Variants in ZDHHC9 observed in about 807,000 individuals in gnomAD.
ZDHHC9 encodes palmitoyltransferase ZDHHC9.
Under a neutral mutation model 26.6 loss-of-function variants are expected in ZDHHC9, and 3 were observed. That is an observed-to-expected ratio of 0.11 (90% CI 0.05 to 0.29). The LOEUF is 0.29. Ranked by LOEUF, ZDHHC9 falls within the 10% of genes least tolerant of loss-of-function variation. The probability of loss-of-function intolerance (pLI) is 1.00; values close to 1 mark genes in which losing one functional copy is unlikely to be tolerated. For missense variants in ZDHHC9, 146 were observed against 296.4 expected (o/e 0.49, Z 3.73); for synonymous variants, 111 against 109.4 (o/e 1.01, Z -0.09).
At chrX:129,813,873 G>A (rs1927701209) in intron 6 of ZDHHC9, 148 bp from the exon 7 acceptor site, 1 of 523,141 alleles carries the variant, frequency 1.9e-6, no homozygotes, top group Non-Finnish European at 3.3e-6. Context: ...AGGGTGAAGA[G>A]CCTCATCTCC....
At chrX:129,835,581 G>A (rs1366792374) in intron 3 of ZDHHC9, among the ~76,000 whole-genome samples, 3 of 110,607 alleles carry the variant, frequency 2.7e-5, no homozygotes, top group African/African-American at 9.8e-5. Context: ...TCAGGAGTTC[G>A]AGACCAGCCT....
intron 3 of ZDHHC9, among the ~76,000 whole-genome samples, chrX:129,840,313 AAG>A (rs1211475110): frequency 5.9e-4 from 65 of 111,088 alleles, no homozygotes; most frequent in African/African-American, 1.7e-3. Flanking sequence ...AAAAGAGAAA[AAG>A]AGAGGAAGAA....
At chrX:129,809,952 G>A (rs1480718086) in intron 10 of ZDHHC9, among the ~76,000 whole-genome samples, 1 of 91,759 alleles carries the variant, frequency 1.1e-5, no homozygotes, top group African/African-American at 4.3e-5. Context: ...TTGCACCACC[G>A]CACTCCAGCC....
chrX:129,807,009 G>C (rs1027903465), intron 10 of ZDHHC9, among the ~76,000 whole-genome samples: 1 of 111,915 alleles, frequency 8.9e-6, no homozygotes, highest in Non-Finnish European at 1.9e-5. Flanking sequence ...GTTACAATTT[G>C]AGTCCAGACT....
rs1281103097 is a variant in ZDHHC9, at chrX:129,821,957, A to G, written c.487+1722T>C. On this transcript the variant is annotated intron_variant, in intron 5 of 10. Coordinates refer to ENST00000357166, the MANE Select transcript of ZDHHC9 (RefSeq NM_016032.4). ...TAAATAAAATGGGCTTTGACAATAG[A>G]TGCTGATGAGGCTGTGGAGAAATAG... 9.9e-5 allele frequency among the ~76,000 whole-genome samples: 11 copies of G among 110,979 alleles called. No homozygotes were observed. In the Admixed American group the frequency reaches 1.1e-3, roughly 11 times the overall value.
chrX:129,830,934 T>C (rs1021184318), intron 3 of ZDHHC9, among the ~76,000 whole-genome samples: 1 of 111,542 alleles, frequency 9.0e-6, no homozygotes, highest in Non-Finnish European at 1.9e-5. Context: ...GACTTTTGTG[T>C]TTGCTTGCTT....
rs529129998 is a variant in ZDHHC9 at position 129,809,395 on chromosome X, G to A, written c.978+1510C>T. Among the ~76,000 whole-genome samples the A allele has an allele frequency of 4.5e-5, 5 of 112,092 alleles. No individual in the cohort carries two copies. In the South Asian group the frequency reaches 1.8e-3, roughly 41 times the overall value. On this transcript the variant is annotated intron_variant, in intron 10 of 10. Coordinates refer to ENST00000357166, the MANE Select transcript of ZDHHC9 (RefSeq NM_016032.4). ...ATATCATTTGGCCATATAAAGGAACGAAGTACTGCTACATAGTACAACATG... is the reference window on the plus strand; with the variant it reads ...ATATCATTTGGCCATATAAAGGAACAAAGTACTGCTACATAGTACAACATG...
intron 2 of ZDHHC9, among the ~76,000 whole-genome samples, chrX:129,842,693 G>A (rs1171918487): frequency 8.8e-6 from 1 of 112,995 alleles, no homozygotes; most frequent in Non-Finnish European, 1.9e-5. Context: ...GCACATACGT[G>A]CATTGTATTT....
intron 3 of ZDHHC9, among the ~76,000 whole-genome samples, chrX:129,832,303 T>C (rs993239299): frequency 1.8e-5 from 2 of 111,039 alleles, no homozygotes; most frequent in Non-Finnish European, 3.8e-5. Flanking sequence ...ATTCCCAATA[T>C]AGACCTCCAA....
At position 129,842,056 on chromosome X, in the gene ZDHHC9, A is replaced by T; in HGVS notation, c.-111T>A. The T allele has an allele frequency of 2.0e-6, 2 of 1,002,489 alleles. No individual in the cohort carries two copies. Among genetic ancestry groups the T allele is most frequent in the Non-Finnish European group, 2.8e-6 (2 of 708,826 alleles). The allele number at this position is 1,002,489 out of a possible 1,213,427, so 82.6% of individuals were successfully genotyped here. A position where few individuals can be genotyped will look rare whatever the true frequency, so the allele number is the denominator to read the frequency against. ...TGCTATTCCTGCCGCTGGGTCAAACATCATCAAAAGTCCAATTGCTAGCCC... is the reference window on the plus strand; with the variant it reads ...TGCTATTCCTGCCGCTGGGTCAAACTTCATCAAAAGTCCAATTGCTAGCCC... On this transcript the variant is annotated 5_prime_UTR_variant, in exon 3 of 11. An upstream start codon of the reference 5' UTR is lost. Coordinates refer to ENST00000357166, the MANE Select transcript of ZDHHC9 (RefSeq NM_016032.4).
At chrX:129,808,544 C>T (rs987956534) in intron 10 of ZDHHC9, among the ~76,000 whole-genome samples, 4 of 111,720 alleles carry the variant, frequency 3.6e-5, no homozygotes, top group African/African-American at 1.3e-4. Context: ...CTACCTCACA[C>T]CATATATAAA....
At chrX:129,826,849 A>T (rs1381980104) in intron 4 of ZDHHC9, among the ~76,000 whole-genome samples, 1 of 112,167 alleles carries the variant, frequency 8.9e-6, no homozygotes, top group Non-Finnish European at 1.9e-5. Flanking sequence ...GGAATTTTTC[A>T]AAATGAAATC....
At chrX:129,823,155 T>G (rs1927929747) in intron 5 of ZDHHC9, 1 of 119,281 alleles carries the variant, frequency 8.4e-6, no homozygotes, top group Admixed American at 8.6e-5. Flanking sequence ...GCTTCACCTA[T>G]TTCCTCATCC....
Position 129,814,668 on chromosome X carries a change from A to G in ZDHHC9, c.615T>C (p.Tyr205=), listed in dbSNP as rs748313244. ...TIYVFAFNIV[Y]VALKSLKIGF... ...GCCCTGTATACTCACTGAGGGCCAC[A>G]TAGACGATGTTGAAGGCGAAGACAT... Residue 205 remains tyrosine (Y), a synonymous_variant, in exon 6 of 11, where the codon TAT becomes TAC. Coordinates refer to ENST00000357166, the MANE Select transcript of ZDHHC9 (RefSeq NM_016032.4). The G allele has an allele frequency of 8.3e-7, 1 of 1,211,369 alleles. No homozygotes were observed. Among genetic ancestry groups the G allele is most frequent in the Non-Finnish European group, 1.1e-6 (1 of 895,315 alleles).
At chrX:129,817,931 C>T (rs1602949707) in intron 5 of ZDHHC9, among the ~76,000 whole-genome samples, 1 of 111,641 alleles carries the variant, frequency 9.0e-6, no homozygotes, top group African/African-American at 3.3e-5. Context: ...CGAACACTGG[C>T]GTACAAGTAG....
Position 129,814,669 on chromosome X carries a change from T to A in ZDHHC9, c.614A>T (p.Tyr205Phe). 1 of 1,210,783 alleles carries A rather than the reference T, an allele frequency of 8.3e-7. No individual in the cohort carries two copies. Among genetic ancestry groups the A allele is most frequent in the Non-Finnish European group, 1.1e-6 (1 of 895,122 alleles). ...CCCTGTATACTCACTGAGGGCCACA[T>A]AGACGATGTTGAAGGCGAAGACATA... ...TIYVFAFNIV[Y>F]VALKSLKIGF... The change falls in exon 6 of 11, where the codon TAT (tyrosine) becomes TTT (phenylalanine). Residue 205 changes from tyrosine (Y) to phenylalanine (F), a missense_variant. Physicochemically the swap from Tyr to Phe is conservative, Grantham distance 22 (BLOSUM62 3). Around this residue, in one of 2 missense-constraint regions of ZDHHC9, gnomAD observed 100 missense variants for 250.0 expected, o/e 0.40. Coordinates refer to ENST00000357166, the MANE Select transcript of ZDHHC9 (RefSeq NM_016032.4).
chrX:129,832,454 C>G (rs1231278517), intron 3 of ZDHHC9, among the ~76,000 whole-genome samples: 5 of 110,841 alleles, frequency 4.5e-5, no homozygotes, highest in African/African-American at 1.6e-4. Flanking sequence ...TCAAGACCAT[C>G]CTGGCCAACA....
intron 2 of ZDHHC9, among the ~76,000 whole-genome samples, chrX:129,843,053 C>T (rs1317731377): frequency 8.9e-6 from 1 of 112,578 alleles, no homozygotes; most frequent in Non-Finnish European, 1.9e-5. Flanking sequence ...CTCTATTTAC[C>T]GACACCACAT....
At chrX:129,832,381 C>T (rs1173445897) in intron 3 of ZDHHC9, among the ~76,000 whole-genome samples, 1 of 111,292 alleles carries the variant, frequency 9.0e-6, no homozygotes, top group Admixed American at 9.6e-5. Context: ...GGCACAGTCG[C>T]TCACACCTGT....
Sources: allele counts gnomAD v4.1 joint callset (sites outside exome capture counted in the v4.1 genomes callset), GRCh38; gene constraint gnomAD v4.1.1; regional missense constraint gnomAD v4.1.1; transcripts MANE v1.5; gene names NCBI Gene and HGNC (gene_info 2026-07-23, HGNC 2026-07-21).